RAD51: variants seen among roughly 807,000 people sequenced by gnomAD.
RAD51 encodes the protein DNA repair protein RAD51 homolog 1.
In RAD51, 14 loss-of-function variants were observed where a neutral mutation model predicts 41.5. That is an observed-to-expected ratio of 0.34 (90% CI 0.22 to 0.53). The LOEUF is 0.53. Among genes scored for constraint, RAD51 ranks in the 20% least tolerant of loss-of-function variants. The pLI, the probability that RAD51 is intolerant of heterozygous loss-of-function variation, is 0.95. For synonymous variants in RAD51, 136 were observed against 148.6 expected (o/e 0.92, Z 0.62); for missense variants, 234 against 422.0 (o/e 0.55, Z 3.90).
chr15:40,710,573 T>C (rs1895656229), intron 5 of RAD51, among the ~76,000 whole-genome samples: 2 of 150,464 alleles, frequency 1.3e-5, no homozygotes, highest in Admixed American at 1.3e-4. Context: ...TAGATTAACA[T>C]TCAAAACTTC....
Position 40,728,716 on chromosome 15 carries a change from G to A in RAD51, c.536G>A (p.Gly179Asp), listed in dbSNP as rs913824562. The A allele has an allele frequency of 1.9e-6, 3 of 1,613,592 alleles. No individual in the cohort carries two copies. The highest frequency in any genetic ancestry group is 1.3e-5 in the African/African-American group (1 of 75,002). The change falls in exon 7 of 10, where the codon GGT becomes GAT. Residue 179 changes from glycine (G) to aspartate (D), a missense_variant. By Grantham distance (94) the Gly-to-Asp change is moderately conservative. This residue lies in a region of RAD51 where 134 missense variants were observed against 286.5 expected (regional missense o/e 0.47). Coordinates refer to ENST00000267868, the MANE Select transcript of RAD51 (RefSeq NM_002875.5). ...TGTTCTCTCCTCTCTCATAGGTATG[G>A]TCTCTCTGGCAGTGATGTCCTGGAT... ...ERLLAVAERY[G>D]LSGSDVLDNV...
chr15:40,720,562 G>A (rs1315916750), intron 6 of RAD51, among the ~76,000 whole-genome samples: 4 of 152,028 alleles, frequency 2.6e-5, no homozygotes, highest in Admixed American at 2.0e-4. Context: ...CTAATGACAT[G>A]GTGCCATATG....
intron 3 of RAD51, among the ~76,000 whole-genome samples, chr15:40,705,717 G>T (rs932472531): frequency 1.3e-5 from 2 of 152,106 alleles, no homozygotes; most frequent in African/African-American, 4.8e-5. Flanking sequence ...CCTTTCTCCT[G>T]CCTCAGCCTA....
Position 40,706,302 on chromosome 15 carries a change from A to C in RAD51, c.343+8A>C, listed in dbSNP as rs761904773. 1.6e-5 allele frequency: 26 copies of C among 1,582,056 alleles called. No individual in the cohort carries two copies. The highest frequency in any genetic ancestry group is 2.3e-5 in the Non-Finnish European group (26 of 1,150,732). Reference sequence around the variant, plus strand: ...TTGACAAACTACTTCAAGGTGTAGTAATCCTTTATCCTGTGTTGTGAACTC... The same window carrying C: ...TTGACAAACTACTTCAAGGTGTAGTCATCCTTTATCCTGTGTTGTGAACTC... On this transcript the variant is annotated splice_region_variant and intron_variant, in intron 4 of 9. Coordinates refer to ENST00000267868, the MANE Select transcript of RAD51 (RefSeq NM_002875.5).
intron 5 of RAD51, among the ~76,000 whole-genome samples, chr15:40,713,255 T>TC: frequency 6.7e-6 from 1 of 149,858 alleles, no homozygotes; most frequent in South Asian, 2.1e-4. Flanking sequence ...CTTTTTTTTT[T>TC]TTTTTTTATT....
chr15:40,729,565 A>T lies in RAD51; in HGVS notation c.705A>T (p.Arg235=), dbSNP rs761781278. 3.1e-5 allele frequency: 50 copies of T among 1,613,902 alleles called. No homozygotes were observed. The highest frequency in any genetic ancestry group is 4.2e-5 in the Non-Finnish European group (50 of 1,180,010). Residue 235 remains arginine, a synonymous_variant, in exon 8 of 10, where the codon CGA becomes CGT. Transcript: ENST00000267868. Reference sequence around the variant, plus strand: ...TTTACAGAACAGACTACTCGGGTCGAGGTGAGCTTTCAGCCAGGCAGATGC... The same window carrying T: ...TTTACAGAACAGACTACTCGGGTCGTGGTGAGCTTTCAGCCAGGCAGATGC... ...TALYRTDYSG[R]GELSARQMHL...
chr15:40,718,324 C>T (rs1009994429), intron 5 of RAD51, among the ~76,000 whole-genome samples: 1 of 152,110 alleles, frequency 6.6e-6, no homozygotes, highest in African/African-American at 2.4e-5. Flanking sequence ...TCAAGACCAG[C>T]CTAGCCAACT....
intron 6 of RAD51, among the ~76,000 whole-genome samples, chr15:40,721,339 G>GA (rs1224687717): frequency 1.3e-5 from 2 of 151,610 alleles, no homozygotes; most frequent in Non-Finnish European, 2.9e-5. Flanking sequence ...GAAATGTCTG[G>GA]AAAAAAAAGA....
intron 6 of RAD51, among the ~76,000 whole-genome samples, chr15:40,724,509 G>A (rs2141869540): frequency 6.6e-6 from 1 of 151,942 alleles, no homozygotes; most frequent in Middle Eastern, 3.4e-3. Flanking sequence ...AAAATTTTTT[G>A]TTGTTTGTTT....
chr15:40,712,677 A>G (rs1457397606), intron 5 of RAD51, among the ~76,000 whole-genome samples: 6 of 152,172 alleles, frequency 3.9e-5, no homozygotes, highest in Admixed American at 3.3e-4. Context: ...AAGCTTTATT[A>G]TAATTTTAGT....
Position 40,731,280 on chromosome 15 carries a change from C to G in RAD51, c.*102C>G. ...ACAGGCCTCTTCCTGTTGTGACTGC[C>G]AGGATAAAGCTTCCGGGAAAACAGC... On this transcript the variant is annotated 3_prime_UTR_variant, in exon 10 of 10. Coordinates refer to ENST00000267868, the MANE Select transcript of RAD51 (RefSeq NM_002875.5). The G allele has an allele frequency of 6.6e-7, 1 of 1,505,066 alleles. No homozygotes were observed. Among genetic ancestry groups the G allele is most frequent in the East Asian group, 2.3e-5 (1 of 44,166 alleles). The allele number at this position is 1,505,066 out of a possible 1,614,324, so 93.2% of individuals were successfully genotyped here.
At chr15:40,709,815 G>C (rs964816221) in intron 5 of RAD51, among the ~76,000 whole-genome samples, 1 of 152,118 alleles carries the variant, frequency 6.6e-6, no homozygotes, top group Non-Finnish European at 1.5e-5. Context: ...TACCCAAATA[G>C]CTGATTATAC....
At chr15:40,730,511 A>AATTTTTTTCTTTTT (rs1896813595) in intron 9 of RAD51, among the ~76,000 whole-genome samples, 2 of 86,092 alleles carry the variant, frequency 2.3e-5, no homozygotes, top group African/African-American at 7.4e-5. Context: ...TCTTGAAAAA[A>AATTTTTTTCTTTTT]TTTTTTTTCT....
chr15:40,699,991 C>G (rs1163842261), intron 2 of RAD51, among the ~76,000 whole-genome samples: 1 of 152,038 alleles, frequency 6.6e-6, no homozygotes, highest in East Asian at 1.9e-4. Flanking sequence ...AAAAAAAAGA[C>G]TCTAGAAGTT....
At chr15:40,706,092 T>A in intron 3 of RAD51, 85 bp from the exon 4 acceptor site, 1 of 964,166 alleles carries the variant, frequency 1.0e-6, no homozygotes, top group Non-Finnish European at 1.6e-6. Context: ...ATATTTCTTT[T>A]TTCTTTATAT....
chr15:40,728,881 G>T (rs1318055975), intron 7 of RAD51, 57 bp downstream of exon 7: 13 of 1,424,240 alleles, frequency 9.1e-6, no homozygotes, highest in Non-Finnish European at 1.3e-5. Context: ...CCTGAATCTT[G>T]TAATGGCTAT....
At chr15:40,730,375 G>A (rs1896804848) in intron 9 of RAD51, among the ~76,000 whole-genome samples, 1 of 151,974 alleles carries the variant, frequency 6.6e-6, no homozygotes, top group South Asian at 2.1e-4. Context: ...GTGGTGGCGT[G>A]TGCCTGTAGT....
chr15:40,724,817 T>G (rs948685911), intron 6 of RAD51, among the ~76,000 whole-genome samples: 26 of 149,600 alleles, frequency 1.7e-4, no homozygotes, highest in Admixed American at 8.0e-4. Flanking sequence ...TAGCTGGGAC[T>G]ACAGGCTTCC....
Position 40,718,783 on chromosome 15 carries a change from CTGT to C in RAD51, c.436-17_436-15del, listed in dbSNP as rs1896116248. On this transcript the variant is annotated intron_variant, in intron 5 of 9. Transcript: ENST00000267868. Reference sequence around the variant, plus strand: ...ATCAGAAATACAATGTTCATTTCTACTGTTGTTTTTGTTCTCTATAGCTTCCCA... The same window carrying C: ...ATCAGAAATACAATGTTCATTTCTACTGTTTTTGTTCTCTATAGCTTCCCA... 6.4e-7 allele frequency: 1 copy of C among 1,550,514 alleles called. No individual in the cohort carries two copies. The highest frequency in any genetic ancestry group is 1.1e-5 in the South Asian group (1 of 89,792).
Sources: gnomAD v4.1 joint callset for allele counts (sites outside exome capture counted in the v4.1 genomes callset) on GRCh38, gnomAD v4.1.1 for gene constraint, gnomAD v4.1.1 regional missense constraint, MANE v1.5 for transcripts, NCBI Gene and HGNC (gene_info 2026-07-23, HGNC 2026-07-21) for gene names.